CPEB3: variants seen among roughly 807,000 people sequenced by gnomAD.
CPEB3 encodes cytoplasmic polyadenylation element-binding protein 3.
A neutral mutation model predicts 67.2 loss-of-function variants in CPEB3; 20 were observed. The observed-to-expected ratio is 0.30, with a 90% CI of 0.21 to 0.43. The LOEUF (loss-of-function observed/expected upper bound fraction) is 0.43. Ranked by LOEUF, CPEB3 falls within the 20% of genes least tolerant of loss-of-function variation. The pLI is 1.00. For synonymous variants in CPEB3, 376 were observed against 393.1 expected (o/e 0.96, Z 0.51); for missense variants, 746 against 968.6 (o/e 0.77, Z 3.05).
intron 6 of CPEB3, chr10:92,138,251 G>A (rs190566908): frequency 3.4e-3 from 751 of 222,628 alleles, no homozygotes; most frequent in Non-Finnish European, 5.6e-3. Flanking sequence ...GGATGGTTTG[G>A]CCATAAGGGT....
At chr10:92,129,604 T>C (rs1845750974) in intron 6 of CPEB3, among the ~76,000 whole-genome samples, 1 of 152,104 alleles carries the variant, frequency 6.6e-6, no homozygotes, top group Non-Finnish European at 1.5e-5. Context: ...TTCATTATAA[T>C]ACCAAGGTCT....
chr10:92,052,407 C>T lies in CPEB3; in HGVS notation c.1902G>A (p.Gln634=). ...GTGTGCCCTGGCACTCATCACACATCTGATCATCCAGCACATATGGCTTTA... is the reference window on the plus strand; with the variant it reads ...GTGTGCCCTGGCACTCATCACACATTTGATCATCCAGCACATATGGCTTTA... ...VEVKPYVLDD[Q]MCDECQGTRC... The change falls in exon 10 of 10, where the codon CAG becomes CAA. Residue 634 remains glutamine, a synonymous_variant. Transcript: ENST00000265997. The T allele has an allele frequency of 6.2e-7, 1 of 1,614,142 alleles. No homozygotes were observed. Among genetic ancestry groups the T allele is most frequent in the Non-Finnish European group, 8.5e-7 (1 of 1,179,972 alleles).
At position 92,143,100 on chromosome 10, in the gene CPEB3, A is replaced by T. The variant is rs775429195; in HGVS notation, c.1382T>A (p.Phe461Tyr). ...DIDEDEITASFRRFGPLVVDW... is the reference protein window; with the variant it reads ...DIDEDEITASYRRFGPLVVDW... ...TACTACGAGAGGTCCAAACCTGCGA[A>T]AGCTGGCAGTGATCTCATCTACAAA... is the stretch of plus-strand genomic sequence containing the variant. Residue 461 changes from phenylalanine (F) to tyrosine (Y), a missense_variant, in exon 6 of 10, where the codon TTT (phenylalanine) becomes TAT (tyrosine). By Grantham distance (22) the Phe-to-Tyr change is conservative. This residue lies in a region of CPEB3 where 643 missense variants were observed against 717.5 expected (regional missense o/e 0.90). Coordinates refer to ENST00000265997, the MANE Select transcript of CPEB3 (RefSeq NM_014912.5). 2 of 1,613,286 alleles carry T rather than the reference A, an allele frequency of 1.2e-6. No homozygotes were observed. Among genetic ancestry groups the T allele is most frequent in the South Asian group, 2.2e-5 (2 of 90,976 alleles).
intron 3 of CPEB3, among the ~76,000 whole-genome samples, chr10:92,185,863 T>G (rs114653454): frequency 0.015 from 2,219 of 152,250 alleles, 54 homozygotes; most frequent in African/African-American, 0.05. Context: ...TAGTAAACTG[T>G]TTTTTAAATC....
intron 7 of CPEB3, among the ~76,000 whole-genome samples, chr10:92,109,191 G>A (rs1193902052): frequency 1.3e-5 from 2 of 151,830 alleles, no homozygotes; most frequent in Non-Finnish European, 2.9e-5. Flanking sequence ...CATGCCAGTA[G>A]CAGAGGCTCT....
chr10:92,212,170 C>T (rs1020014497), intron 2 of CPEB3, among the ~76,000 whole-genome samples: 4 of 149,550 alleles, frequency 2.7e-5, no homozygotes, highest in South Asian at 2.1e-4. Context: ...CAGGAGCCAC[C>T]GTGCCCAGCT....
intron 6 of CPEB3, among the ~76,000 whole-genome samples, chr10:92,132,603 G>C (rs1845895397): frequency 2.0e-5 from 3 of 151,768 alleles, no homozygotes; most frequent in African/African-American, 7.3e-5. Flanking sequence ...ATGACAAATG[G>C]GGGAAGGTTA....
chr10:92,137,382 G>T, intron 6 of CPEB3: 2 of 1,106,684 alleles, frequency 1.8e-6, no homozygotes, highest in South Asian at 3.3e-5. Context: ...AATACATCAA[G>T]ATGTTTGTAC....
chr10:92,138,505 A>C (rs1846224511), intron 6 of CPEB3: 2 of 87,522 alleles, frequency 2.3e-5, no homozygotes, highest in Admixed American at 2.7e-4. Context: ...TCACTTTTTG[A>C]GGCAAAAAAA....
chr10:92,078,982 G>C (rs1843038863), intron 9 of CPEB3, among the ~76,000 whole-genome samples: 1 of 152,160 alleles, frequency 6.6e-6, no homozygotes, highest in African/African-American at 2.4e-5. Context: ...TAGAAACATG[G>C]AGAAATGGAG....
At chr10:92,178,199 C>G (rs903507520) in intron 4 of CPEB3, among the ~76,000 whole-genome samples, 7 of 151,040 alleles carry the variant, frequency 4.6e-5, no homozygotes, top group Non-Finnish European at 1.0e-4. Flanking sequence ...CACTCTGTCA[C>G]CCGGGCTGGA....
chr10:92,058,344 G>A (rs539112838), intron 9 of CPEB3, among the ~76,000 whole-genome samples: 2 of 152,202 alleles, frequency 1.3e-5, no homozygotes, highest in African/African-American at 4.8e-5. Flanking sequence ...TCAGGAGTTT[G>A]AGACTAGCCT....
chr10:92,212,208 T>G (rs902844013), intron 2 of CPEB3, among the ~76,000 whole-genome samples: 1 of 150,088 alleles, frequency 6.7e-6, no homozygotes, highest in Admixed American at 6.7e-5. Flanking sequence ...AGACAATAAA[T>G]TCTTTTTTTT....
At chr10:92,125,747 G>T (rs376277098) in intron 6 of CPEB3, among the ~76,000 whole-genome samples, 2 of 150,984 alleles carry the variant, frequency 1.3e-5, no homozygotes, top group Admixed American at 6.6e-5. Flanking sequence ...TTAAGACAGG[G>T]TCTCACTCGG....
chr10:92,057,915 G>C (rs960108124), intron 9 of CPEB3, among the ~76,000 whole-genome samples: 1 of 152,144 alleles, frequency 6.6e-6, no homozygotes, highest in Non-Finnish European at 1.5e-5. Context: ...AGCAGAAACA[G>C]CTTAGAATAC....
At chr10:92,119,338 G>C (rs187702732) in intron 6 of CPEB3, among the ~76,000 whole-genome samples, 1 of 152,226 alleles carries the variant, frequency 6.6e-6, no homozygotes, top group East Asian at 1.9e-4. Context: ...AGTGGAAAAG[G>C]GTCTAGTTTT....
intron 9 of CPEB3, among the ~76,000 whole-genome samples, chr10:92,069,760 G>A (rs1209872860): frequency 2.6e-5 from 4 of 152,114 alleles, no homozygotes; most frequent in South Asian, 4.1e-4. Flanking sequence ...ACTAAAAGTC[G>A]CTCTGGTTCC....
chr10:92,068,241 C>G (rs777467335), intron 9 of CPEB3, among the ~76,000 whole-genome samples: 2 of 152,158 alleles, frequency 1.3e-5, no homozygotes, highest in Non-Finnish European at 2.9e-5. Flanking sequence ...CTGGCACAGT[C>G]TGGTTTCCTG....
chr10:92,130,813 C>T (rs2133711335), intron 6 of CPEB3, among the ~76,000 whole-genome samples: 1 of 152,266 alleles, frequency 6.6e-6, no homozygotes, highest in African/African-American at 2.4e-5. Flanking sequence ...ACTATGTATA[C>T]ACTATCTGAG....
Sources: allele counts gnomAD v4.1 joint callset (sites outside exome capture counted in the v4.1 genomes callset), GRCh38; gene constraint gnomAD v4.1.1; regional missense constraint gnomAD v4.1.1; transcripts MANE v1.5; gene names NCBI Gene and HGNC (gene_info 2026-07-23, HGNC 2026-07-21).